Variants in SYNE1 observed in about 807,000 individuals in gnomAD.
SYNE1 encodes spectrin repeat containing nuclear envelope protein 1.
In SYNE1, 616 loss-of-function variants were observed where a neutral mutation model predicts 1,111.0. The observed-to-expected ratio is 0.55, with a 90% CI of 0.52 to 0.59. SYNE1 has a LOEUF of 0.59. Among genes scored for constraint, SYNE1 ranks in the 20% least tolerant of loss-of-function variants. SYNE1 has a pLI of 0.00. For missense variants in SYNE1, 10,006 were observed against 10,417.0 expected (o/e 0.96, Z 1.72); for synonymous variants, 3,855 against 3,825.8 (o/e 1.01, Z -0.28).
At chr6:152,518,168 T>A (rs1305357869) in intron 6 of SYNE1, among the ~76,000 whole-genome samples, 1 of 150,872 alleles carries the variant, frequency 6.6e-6, no homozygotes, top group Non-Finnish European at 1.5e-5. Context: ...CAAATCCTGT[T>A]CTCTAGTTTG....
At chr6:152,499,260 G>C (rs2623963) in intron 10 of SYNE1, among the ~76,000 whole-genome samples, 29,998 of 151,800 alleles carry the variant, frequency 0.2, 3,142 homozygotes, top group Middle Eastern at 0.32. Context: ...AAGTTTAGAA[G>C]GTGAATGAGA....
intron 130 of SYNE1, among the ~76,000 whole-genome samples, chr6:152,164,569 AAC>A (rs1401042577): frequency 2.0e-5 from 3 of 152,206 alleles, no homozygotes; most frequent in Non-Finnish European, 4.4e-5. Flanking sequence ...ATTAGTTTTG[AAC>A]ACAGTTTTCC....
Position 152,391,375 on chromosome 6 carries a change from T to C in SYNE1, c.7906A>G (p.Met2636Val). 1.2e-6 allele frequency: 2 copies of C among 1,614,058 alleles called. No homozygotes were observed. The highest frequency in any genetic ancestry group is 1.7e-6 in the Non-Finnish European group (2 of 1,179,994). The stretch of plus-strand genomic sequence containing the variant: ...TGAATGGCCTTCACCCAGAACCACA[T>C]GCTTTGCAGTGCTTCCTCCAGGGCT... ...HEALEEALQSMWFWVKAIQDR... is the reference protein window; with the variant it reads ...HEALEEALQSVWFWVKAIQDR... The change falls in exon 52 of 146, where the codon ATG becomes GTG. Residue 2636 changes from methionine (M) to valine (V), a missense_variant. Around this residue, in one of 7 missense-constraint regions of SYNE1, gnomAD observed 4,955 missense variants for 5,017.2 expected, o/e 0.99. Coordinates refer to ENST00000367255, the MANE Select transcript of SYNE1 (RefSeq NM_182961.4).
At chr6:152,212,992 C>A (rs1405768172) in intron 123 of SYNE1, among the ~76,000 whole-genome samples, 1 of 152,106 alleles carries the variant, frequency 6.6e-6, no homozygotes, top group Non-Finnish European at 1.5e-5. Context: ...ATGTGCATAT[C>A]ATTCATAAAT....
chr6:152,605,071 AGGAAAGAAG>A lies in SYNE1; in HGVS notation c.67+23185_67+23193del, dbSNP rs1279253544. Among the ~76,000 whole-genome samples, 22 of 39,890 alleles carry A rather than the reference AGGAAAGAAG, an allele frequency of 5.5e-4. 2 individuals are homozygous for A. Among genetic ancestry groups the A allele is most frequent in the African/African-American group, 1.3e-3 (14 of 10,496 alleles). The allele number at this position is 39,890 out of a possible 152,430, so 26.2% of individuals were successfully genotyped here. A position where few individuals can be genotyped will look rare whatever the true frequency, so the allele number is the denominator to read the frequency against. On this transcript the variant is annotated intron_variant, in intron 3 of 145. Transcript: ENST00000367255. ...GAGGGAGGGAGGGAGGGAGGGAGGG[AGGAAAGAAG>A]GAAGGAAGGAAGGAAGGAAGGAAGG...
In SYNE1 at chr6:152,373,029, A is replaced by G. The variant is rs766407693; in HGVS notation, c.9507+8T>C. Reference sequence around the variant, plus strand: ...ACAGAATGCTTCCATGTGGTTGGCTATATATACCTCTAGAGCAGATTCTTT... The same window carrying G: ...ACAGAATGCTTCCATGTGGTTGGCTGTATATACCTCTAGAGCAGATTCTTT... On this transcript the variant is annotated splice_region_variant and intron_variant, in intron 59 of 145. Coordinates refer to ENST00000367255, the MANE Select transcript of SYNE1 (RefSeq NM_182961.4). 2 of 1,612,868 alleles carry G rather than the reference A, an allele frequency of 1.2e-6. No homozygotes were observed. The highest frequency in any genetic ancestry group is 1.1e-5 in the South Asian group (1 of 91,070).
intron 2 of SYNE1, among the ~76,000 whole-genome samples, chr6:152,636,314 G>C (rs2099705865): frequency 6.6e-6 from 1 of 152,120 alleles, no homozygotes; most frequent in African/African-American, 2.4e-5. Flanking sequence ...ATCACAATAA[G>C]AGGCTGGCTG....
At position 152,520,439 on chromosome 6, in the gene SYNE1, T is replaced by G; in HGVS notation, c.309+20A>C. On this transcript the variant is annotated intron_variant, in intron 6 of 145. Coordinates refer to ENST00000367255, the MANE Select transcript of SYNE1 (RefSeq NM_182961.4). ...CCCACACCTTCTTCCTTGGGCATTT[T>G]GTTTTTGTTTCTCTCTTACCTTTCT... 6.2e-7 allele frequency: 1 copy of G among 1,612,350 alleles called. No individual in the cohort carries two copies. The highest frequency in any genetic ancestry group is 8.5e-7 in the Non-Finnish European group (1 of 1,179,190).
chr6:152,302,249 C>G, intron 91 of SYNE1, 186 bp from the exon 92 acceptor site: 1 of 778,718 alleles, frequency 1.3e-6, no homozygotes, highest in Non-Finnish European at 2.1e-6. Context: ...CTGCGCGGCG[C>G]GGCGCAGGCA....
chr6:152,317,637 T>G (rs914742361), intron 86 of SYNE1, among the ~76,000 whole-genome samples: 4 of 152,200 alleles, frequency 2.6e-5, no homozygotes, highest in Admixed American at 2.6e-4. Flanking sequence ...TGTCCCTGAT[T>G]ATATTAATCG....
chr6:152,560,096 A>G (rs2099390240), intron 3 of SYNE1, among the ~76,000 whole-genome samples: 3 of 152,102 alleles, frequency 2.0e-5, no homozygotes, highest in African/African-American at 7.2e-5. Context: ...CTCACACCCG[A>G]AATCCCAGCA....
chr6:152,220,231 C>T (rs914566312), intron 119 of SYNE1, among the ~76,000 whole-genome samples: 2 of 152,096 alleles, frequency 1.3e-5, no homozygotes, highest in African/African-American at 4.8e-5. Flanking sequence ...TAAAAAGATC[C>T]TCGTAACAAG....
intron 9 of SYNE1, among the ~76,000 whole-genome samples, chr6:152,503,563 TAC>T (rs1304126540): frequency 6.6e-6 from 1 of 152,194 alleles, no homozygotes; most frequent in African/African-American, 2.4e-5. Flanking sequence ...GATTATATCT[TAC>T]AGAGCAATTT....
chr6:152,400,956 G>A lies in SYNE1; in HGVS notation c.7029+182C>T, dbSNP rs78768981. Among the ~76,000 whole-genome samples the A allele has an allele frequency of 0.012, 1,824 of 152,258 alleles. 46 individuals carry two copies. Among genetic ancestry groups the A allele is most frequent in the African/African-American group, 0.042 (1,727 of 41,544 alleles). On this transcript the variant is annotated intron_variant, in intron 47 of 145. Coordinates refer to ENST00000367255, the MANE Select transcript of SYNE1 (RefSeq NM_182961.4). ...TTCAAGGTATTCATTTTTGATTTCTGAACACCTGCACCCAGTTCTTCACGT... is the reference window on the plus strand; with the variant it reads ...TTCAAGGTATTCATTTTTGATTTCTAAACACCTGCACCCAGTTCTTCACGT...
At chr6:152,518,782 T>C (rs1028067710) in intron 6 of SYNE1, among the ~76,000 whole-genome samples, 68 of 151,916 alleles carry the variant, frequency 4.5e-4, no homozygotes, top group Non-Finnish European at 1.6e-4. Context: ...GAGGTATTAG[T>C]CTGAACTAAT....
chr6:152,424,128 C>T (rs2098314383), intron 39 of SYNE1, among the ~76,000 whole-genome samples: 1 of 152,098 alleles, frequency 6.6e-6, no homozygotes. Flanking sequence ...TAAAAAGGTG[C>T]CTGGGATATC....
At chr6:152,145,669 T>G (rs1240453880) in intron 137 of SYNE1, 4 of 916,974 alleles carry the variant, frequency 4.4e-6, no homozygotes, top group Non-Finnish European at 7.1e-6. Flanking sequence ...TCTAGACACA[T>G]AGCTCCTGAG....
intron 21 of SYNE1, among the ~76,000 whole-genome samples, chr6:152,460,457 T>A (rs1247219973): frequency 6.6e-6 from 1 of 152,206 alleles, no homozygotes; most frequent in Non-Finnish European, 1.5e-5. Flanking sequence ...ATTAATTCCC[T>A]ACCACTGATG....
chr6:152,122,350 A>G lies in SYNE1; in HGVS notation c.*86T>C. On this transcript the variant is annotated 3_prime_UTR_variant, in exon 146 of 146. Coordinates refer to ENST00000367255, the MANE Select transcript of SYNE1 (RefSeq NM_182961.4). Reference sequence around the variant, plus strand: ...CACACCGAGGGCTTTCGCCAAGATCAAGGTCCTCTTGTTGGTAGTTTGGGA... The same window carrying G: ...CACACCGAGGGCTTTCGCCAAGATCGAGGTCCTCTTGTTGGTAGTTTGGGA... 2 of 1,609,646 alleles carry G rather than the reference A, an allele frequency of 1.2e-6. No homozygotes were observed. The highest frequency in any genetic ancestry group is 1.7e-6 in the Non-Finnish European group (2 of 1,178,208).
Sources: gnomAD v4.1 joint callset for allele counts (sites outside exome capture counted in the v4.1 genomes callset) on GRCh38, gnomAD v4.1.1 for gene constraint, gnomAD v4.1.1 regional missense constraint, MANE v1.5 for transcripts, NCBI Gene and HGNC (gene_info 2026-07-23, HGNC 2026-07-21) for gene names.